KCTD16: variants seen among roughly 807,000 people sequenced by gnomAD.
The protein encoded by KCTD16 is potassium channel tetramerization domain containing 16, also known as BTB/POZ domain-containing protein KCTD16.
KCTD16 carries 13 observed loss-of-function variants against 33.2 expected under a neutral mutation model. The observed-to-expected ratio is 0.39, with a 90% CI of 0.25 to 0.62. The LOEUF (loss-of-function observed/expected upper bound fraction) is 0.62, where lower values mean the gene tolerates loss of function less well. Among genes scored for constraint, KCTD16 ranks in the 20% least tolerant of loss-of-function variants. The pLI is 0.50. For missense variants in KCTD16, 441 were observed against 525.1 expected (o/e 0.84, Z 1.57); for synonymous variants, 197 against 195.3 (o/e 1.01, Z -0.07).
chr5:144,227,976 A>C (rs1753985413), intron 3 of KCTD16, among the ~76,000 whole-genome samples: 1 of 152,208 alleles, frequency 6.6e-6, no homozygotes, highest in Non-Finnish European at 1.5e-5. Flanking sequence ...AGGAATTCAA[A>C]ATCTGGACAT....
At chr5:144,247,146 A>G (rs540536669) in intron 3 of KCTD16, among the ~76,000 whole-genome samples, 1 of 152,340 alleles carries the variant, frequency 6.6e-6, no homozygotes, top group African/African-American at 2.4e-5. Flanking sequence ...TTACATGACC[A>G]GCTACCCTAA....
chr5:144,214,262 G>T (rs1187408391), intron 3 of KCTD16, among the ~76,000 whole-genome samples: 1 of 152,016 alleles, frequency 6.6e-6, no homozygotes. Flanking sequence ...TGATGGAAAG[G>T]CCATGAGCAT....
At chr5:144,465,624 A>T (rs1754311994) in intron 3 of KCTD16, among the ~76,000 whole-genome samples, 1 of 152,100 alleles carries the variant, frequency 6.6e-6, no homozygotes, top group African/African-American at 2.4e-5. Context: ...CTTATCATGG[A>T]CATGCTTCTG....
At chr5:144,362,895 A>G (rs1467020663) in intron 3 of KCTD16, among the ~76,000 whole-genome samples, 1 of 152,156 alleles carries the variant, frequency 6.6e-6, no homozygotes, top group Non-Finnish European at 1.5e-5. Flanking sequence ...AGTTCTTGCA[A>G]TGATTTAAGA....
rs148034043 is a variant in KCTD16, at chr5:144,373,347, A to G, written c.833-100313A>G. Among the ~76,000 whole-genome samples, 492 of 152,338 alleles carry G rather than the reference A, an allele frequency of 3.2e-3. 13 individuals carry two copies. The highest frequency in any genetic ancestry group is 1.7e-3 in the Non-Finnish European group (113 of 68,038). On this transcript the variant is annotated intron_variant, in intron 3 of 3. Transcript: ENST00000512467. The stretch of plus-strand genomic sequence containing the variant: ...TAAGCAAGACATGGGTGTCAAGTAC[A>G]GTGATCCTAAGTTAATTAAATTAAC...
chr5:144,290,461 A>G (rs139342290), intron 3 of KCTD16, among the ~76,000 whole-genome samples: 162 of 152,342 alleles, frequency 1.1e-3, no homozygotes, highest in African/African-American at 2.9e-3. Flanking sequence ...AATGATAGGT[A>G]TTCTTCAATT....
intron 2 of KCTD16, among the ~76,000 whole-genome samples, chr5:144,180,532 T>C (rs1246078108): frequency 6.6e-6 from 1 of 152,184 alleles, no homozygotes; most frequent in Non-Finnish European, 1.5e-5. Context: ...AACAATAACA[T>C]TTTATTTCTT....
chr5:144,387,046 A>G (rs899041069), intron 3 of KCTD16, among the ~76,000 whole-genome samples: 1 of 151,858 alleles, frequency 6.6e-6, no homozygotes, highest in African/African-American at 2.4e-5. Context: ...GGCTCACTGC[A>G]GCCTCAGTCT....
intron 3 of KCTD16, among the ~76,000 whole-genome samples, chr5:144,331,774 A>G (rs1392620340): frequency 2.0e-5 from 3 of 152,200 alleles, no homozygotes; most frequent in Non-Finnish European, 4.4e-5. Flanking sequence ...GCTTACTGGA[A>G]AATGAAGAGG....
At chr5:144,270,904 C>A (rs1755274665) in intron 3 of KCTD16, among the ~76,000 whole-genome samples, 1 of 151,726 alleles carries the variant, frequency 6.6e-6, no homozygotes, top group South Asian at 2.1e-4. Context: ...TTACACCAAA[C>A]AATTGGATAA....
chr5:144,456,301 A>G (rs1283827936), intron 3 of KCTD16, among the ~76,000 whole-genome samples: 1 of 152,198 alleles, frequency 6.6e-6, no homozygotes, highest in Non-Finnish European at 1.5e-5. Context: ...CTAAAATTTT[A>G]ATTTAAAAGA....
chr5:144,218,967 G>A (rs1050092106), intron 3 of KCTD16, among the ~76,000 whole-genome samples: 1 of 152,138 alleles, frequency 6.6e-6, no homozygotes, highest in Admixed American at 6.6e-5. Flanking sequence ...AGTAAAATAT[G>A]GTTGAATACC....
chr5:144,251,757 A>G (rs1009246477), intron 3 of KCTD16, among the ~76,000 whole-genome samples: 1 of 152,214 alleles, frequency 6.6e-6, no homozygotes, highest in Non-Finnish European at 1.5e-5. Context: ...TGCCAATGGC[A>G]GCTTATAGTT....
At chr5:144,204,683 G>C (rs1354289007) in intron 2 of KCTD16, among the ~76,000 whole-genome samples, 1 of 152,124 alleles carries the variant, frequency 6.6e-6, no homozygotes, top group Non-Finnish European at 1.5e-5. Context: ...TGTAAACTGT[G>C]GGCTTTCTGT....
In KCTD16 at chr5:144,403,027, A is replaced by C. The variant is rs534921002; in HGVS notation, c.833-70633A>C. 3.9e-5 allele frequency among the ~76,000 whole-genome samples: 6 copies of C among 152,290 alleles called. No individual in the cohort carries two copies. In the South Asian group the frequency reaches 1.0e-3, roughly 26 times the overall value. Reference sequence around the variant, plus strand: ...CTGGCATTTGTTGGTTTATGGCTACATCACTCTACTTTCTGCCTTTGTGGC... The same window carrying C: ...CTGGCATTTGTTGGTTTATGGCTACCTCACTCTACTTTCTGCCTTTGTGGC... On this transcript the variant is annotated intron_variant, in intron 3 of 3. Transcript: ENST00000512467.
intron 3 of KCTD16, among the ~76,000 whole-genome samples, chr5:144,216,364 T>TG (rs1753562998): frequency 1.3e-5 from 2 of 152,206 alleles, no homozygotes; most frequent in South Asian, 4.1e-4. Context: ...CTGCCCCGTG[T>TG]GAAGAAATTC....
intron 2 of KCTD16, among the ~76,000 whole-genome samples, chr5:144,184,476 T>G (rs561681370): frequency 1.3e-5 from 2 of 152,308 alleles, no homozygotes; most frequent in African/African-American, 4.8e-5. Context: ...TGAATGTGGG[T>G]GTACAAATAT....
chr5:144,348,861 T>C (rs537692820), intron 3 of KCTD16, among the ~76,000 whole-genome samples: 3 of 152,310 alleles, frequency 2.0e-5, no homozygotes, highest in Admixed American at 1.3e-4. Flanking sequence ...GCTGCAGCAA[T>C]CTTGACTAAT....
chr5:144,224,805 A>T (rs906596152), intron 3 of KCTD16, among the ~76,000 whole-genome samples: 4 of 152,160 alleles, frequency 2.6e-5, no homozygotes, highest in African/African-American at 9.7e-5. Context: ...TCCTTACTGA[A>T]TGCTATGTCC....
Sources: gnomAD v4.1 joint callset for allele counts (sites outside exome capture counted in the v4.1 genomes callset) on GRCh38, gnomAD v4.1.1 for gene constraint, MANE v1.5 for transcripts, NCBI Gene and HGNC (gene_info 2026-07-23, HGNC 2026-07-21) for gene names.